The following RHOJ variants were observed in gnomAD, a reference collection of about 807,000 sequenced individuals.
RHOJ encodes the protein ras homolog family member J.
In RHOJ, 11 loss-of-function variants were observed where a neutral mutation model predicts 23.4. The ratio of observed to expected loss-of-function variants is 0.47; its 90% confidence interval spans 0.30 to 0.78. The LOEUF (loss-of-function observed/expected upper bound fraction) is 0.78. Among genes scored for constraint, RHOJ ranks in the 30% least tolerant of loss-of-function variants. The probability of loss-of-function intolerance (pLI) is 0.08; values close to 1 mark genes in which losing one functional copy is unlikely to be tolerated. For missense variants in RHOJ, 254 were observed against 273.4 expected, an observed-to-expected ratio of 0.93 and a Z score of 0.50; for synonymous variants, 102 against 102.7, an observed-to-expected ratio of 0.99 and a Z score of 0.04.
intron 1 of RHOJ, among the ~76,000 whole-genome samples, chr14:63,252,655 TC>T (rs1335412851): frequency 3.3e-5 from 5 of 152,094 alleles, no homozygotes; most frequent in African/African-American, 4.8e-5. Context: ...ATCTTTGTTG[TC>T]CCCCAATCCC....
chr14:63,269,807 C>T (rs771235767), intron 2 of RHOJ, among the ~76,000 whole-genome samples: 12 of 152,200 alleles, frequency 7.9e-5, no homozygotes, highest in Admixed American at 1.3e-4. Flanking sequence ...CACAAGACAA[C>T]GGGCTAAAAC....
At chr14:63,225,815 A>T (rs1328676631) in intron 1 of RHOJ, among the ~76,000 whole-genome samples, 4 of 152,192 alleles carry the variant, frequency 2.6e-5, no homozygotes, top group Admixed American at 1.3e-4. Flanking sequence ...GGGGAAAAGG[A>T]CTACAACCCA....
At chr14:63,281,181 G>A in intron 3 of RHOJ, 46 bp downstream of exon 3, 7 of 1,558,872 alleles carry the variant, frequency 4.5e-6, no homozygotes, top group Non-Finnish European at 6.1e-6. Context: ...GCAAAAATGG[G>A]AAGACCCTTT....
chr14:63,241,494 G>A (rs970607209), intron 1 of RHOJ, among the ~76,000 whole-genome samples: 3 of 152,134 alleles, frequency 2.0e-5, no homozygotes, highest in Non-Finnish European at 4.4e-5. Flanking sequence ...GTGGTTTCAA[G>A]GGAAGGTTTA....
chr14:63,281,064 G>A lies in RHOJ; in HGVS notation c.331G>A (p.Val111Ile). The stretch of plus-strand genomic sequence containing the variant: ...CGTAAACCCTGCCTCTTACCACAAT[G>A]TCCAGGAGGAATGGGTCCCCGAGCT... ...SVVNPASYHN[V>I]QEEWVPELKD... is the part of the protein sequence containing the mutation. The change falls in exon 3 of 5, where the codon GTC becomes ATC. Residue 111 changes from valine to isoleucine, a missense_variant. Physicochemically the swap from Val to Ile is conservative, Grantham distance 29. Coordinates refer to ENST00000316754, the MANE Select transcript of RHOJ (RefSeq NM_020663.5). 1 of 1,614,120 alleles carries A rather than the reference G, an allele frequency of 6.2e-7. No homozygotes were observed. Among genetic ancestry groups the A allele is most frequent in the Non-Finnish European group, 8.5e-7 (1 of 1,180,014 alleles).
At chr14:63,221,262 C>A (rs1364370927) in intron 1 of RHOJ, among the ~76,000 whole-genome samples, 2 of 152,060 alleles carry the variant, frequency 1.3e-5, no homozygotes, top group African/African-American at 4.8e-5. Flanking sequence ...CCCAGGAGAT[C>A]GAGGCTGCAA....
At position 63,273,285 on chromosome 14, in the gene RHOJ, T is replaced by G. The variant is rs538633665; in HGVS notation, c.237+4117T>G. Among the ~76,000 whole-genome samples, 3 of 152,282 alleles carry G rather than the reference T, an allele frequency of 2.0e-5. No homozygotes were observed. In the East Asian group the frequency reaches 5.8e-4, roughly 29 times the overall value. ...TTCTCAGATCACACTAGGAAGGAAA[T>G]AAGGCCAACCAGCCCTGTAAGCCAA... On this transcript the variant is annotated intron_variant, in intron 2 of 4. Coordinates refer to ENST00000316754, the MANE Select transcript of RHOJ (RefSeq NM_020663.5).
intron 1 of RHOJ, among the ~76,000 whole-genome samples, chr14:63,242,858 C>T (rs1325356737): frequency 6.6e-6 from 1 of 152,128 alleles, no homozygotes; most frequent in African/African-American, 2.4e-5. Context: ...TGAAATGCCA[C>T]AATTTTTTGC....
chr14:63,226,040 G>A (rs185609166), intron 1 of RHOJ, among the ~76,000 whole-genome samples: 37 of 152,038 alleles, frequency 2.4e-4, no homozygotes, highest in African/African-American at 7.7e-4. Flanking sequence ...ACCCCTTCTC[G>A]TGACCATTCA....
chr14:63,209,785 T>C (rs1180325523), intron 1 of RHOJ, among the ~76,000 whole-genome samples: 1 of 152,164 alleles, frequency 6.6e-6, no homozygotes, highest in East Asian at 1.9e-4. Context: ...ATTAAAACTT[T>C]GATGAATAAA....
At chr14:63,260,596 A>T (rs1253912260) in intron 1 of RHOJ, among the ~76,000 whole-genome samples, 1 of 152,220 alleles carries the variant, frequency 6.6e-6, no homozygotes, top group Non-Finnish European at 1.5e-5. Context: ...GGAAAAAATA[A>T]AGTGTTTTCT....
intron 1 of RHOJ, among the ~76,000 whole-genome samples, chr14:63,220,286 G>A (rs1299395486): frequency 6.6e-6 from 1 of 151,782 alleles, no homozygotes; most frequent in Non-Finnish European, 1.5e-5. Flanking sequence ...CTTTGGTGCA[G>A]ACAGTGATCC....
intron 1 of RHOJ, among the ~76,000 whole-genome samples, chr14:63,255,583 C>T (rs1383991171): frequency 6.7e-6 from 1 of 150,248 alleles, no homozygotes. Flanking sequence ...CCAGCCTTAC[C>T]CTCCCCCACT....
Position 63,291,673 on chromosome 14 carries a change from T to C in RHOJ, c.*649T>C, listed in dbSNP as rs1031766356. The C allele has an allele frequency of 6.4e-6, 1 of 155,186 alleles. No homozygotes were observed. Among genetic ancestry groups the C allele is most frequent in the African/African-American group, 2.4e-5 (1 of 41,456 alleles). The allele number at this position is 155,186 out of a possible 1,614,324, so 9.6% of individuals were successfully genotyped here. A position where few individuals can be genotyped will look rare whatever the true frequency, so the allele number is the denominator to read the frequency against. ...ATTATAAGAAGACATGAGAAGACTT[T>C]AAAAGTTTTGGAAATTTACAGAGCC... is the stretch of plus-strand genomic sequence containing the variant. On this transcript the variant is annotated 3_prime_UTR_variant, in exon 5 of 5. Coordinates refer to ENST00000316754, the MANE Select transcript of RHOJ (RefSeq NM_020663.5).
At chr14:63,221,144 C>T (rs1163242155) in intron 1 of RHOJ, among the ~76,000 whole-genome samples, 2 of 152,056 alleles carry the variant, frequency 1.3e-5, no homozygotes, top group African/African-American at 4.8e-5. Context: ...GCCTGGGCAA[C>T]ATGAGGAGAC....
chr14:63,245,846 C>T (rs1478368682), intron 1 of RHOJ, among the ~76,000 whole-genome samples: 1 of 152,152 alleles, frequency 6.6e-6, no homozygotes, highest in Non-Finnish European at 1.5e-5. Context: ...GTGGCCCAGG[C>T]CATCAGAGTC....
chr14:63,249,996 A>C (rs138512477), intron 1 of RHOJ, among the ~76,000 whole-genome samples: 1 of 152,148 alleles, frequency 6.6e-6, no homozygotes, highest in African/African-American at 2.4e-5. Context: ...CCAGGATTAA[A>C]TCAAATTTGG....
chr14:63,231,667 A>T (rs1332814403), intron 1 of RHOJ, among the ~76,000 whole-genome samples: 1 of 152,236 alleles, frequency 6.6e-6, no homozygotes, highest in African/African-American at 2.4e-5. Context: ...TTCTTCATGT[A>T]TGAAATGAGG....
At chr14:63,246,340 A>G (rs932268156) in intron 1 of RHOJ, among the ~76,000 whole-genome samples, 33 of 152,250 alleles carry the variant, frequency 2.2e-4, no homozygotes, top group Non-Finnish European at 4.1e-4. Flanking sequence ...TTAAAAGTCT[A>G]GAGTGTTCAG....
Sources: gnomAD v4.1 joint callset for allele counts (sites outside exome capture counted in the v4.1 genomes callset) on GRCh38, gnomAD v4.1.1 for gene constraint, MANE v1.5 for transcripts, NCBI Gene and HGNC (gene_info 2026-07-23, HGNC 2026-07-21) for gene names.